The following SLIT2 variants were observed in gnomAD, a reference collection of about 807,000 sequenced individuals.
SLIT2 encodes the protein slit homolog 2 protein.
In SLIT2, 41 loss-of-function variants were observed where a neutral mutation model predicts 185.7. That is an observed-to-expected ratio of 0.22 (90% confidence interval 0.17 to 0.29). SLIT2 has a LOEUF of 0.29. Among genes scored for constraint, SLIT2 ranks in the 10% least tolerant of loss-of-function variants. The probability of loss-of-function intolerance (pLI) is 1.00; values close to 1 mark genes in which losing one functional copy is unlikely to be tolerated. For synonymous variants in SLIT2, 693 were observed against 680.2 expected, an observed-to-expected ratio of 1.02 and a Z score of -0.29; for missense variants, 1,571 against 1,909.0, an observed-to-expected ratio of 0.82 and a Z score of 3.30.
rs2148957892 is a variant in SLIT2, at chr4:20,595,780, C to T, written c.3266C>T (p.Ala1089Val). Residue 1089 changes from alanine (A) to valine (V), a missense_variant, in exon 31 of 37, where the codon GCC becomes GTC. Coordinates refer to ENST00000504154, the MANE Select transcript of SLIT2 (RefSeq NM_004787.4). ...DCQDNKCKNG[A>V]HCTDAVNGYT... is the part of the protein sequence containing the mutation. Reference sequence around the variant, plus strand: ...CAAGACAACAAGTGTAAAAACGGAGCCCACTGCACAGATGCAGTGAACGGC... The same window carrying T: ...CAAGACAACAAGTGTAAAAACGGAGTCCACTGCACAGATGCAGTGAACGGC... 2 of 1,614,084 alleles carry T rather than the reference C, an allele frequency of 1.2e-6. No individual in the cohort carries two copies. Among genetic ancestry groups the T allele is most frequent in the Non-Finnish European group, 1.7e-6 (2 of 1,179,978 alleles).
chr4:20,420,998 A>G (rs1292969219), intron 4 of SLIT2, among the ~76,000 whole-genome samples: 1 of 152,178 alleles, frequency 6.6e-6, no homozygotes, highest in Non-Finnish European at 1.5e-5. Flanking sequence ...AAAGCCACCT[A>G]GTCTGTGGTA....
At chr4:20,397,331 T>C (rs1725976802) in intron 4 of SLIT2, among the ~76,000 whole-genome samples, 1 of 151,818 alleles carries the variant, frequency 6.6e-6, no homozygotes, top group Non-Finnish European at 1.5e-5. Context: ...TCCTACTACC[T>C]AGGAACAGAG....
intron 4 of SLIT2, among the ~76,000 whole-genome samples, chr4:20,294,136 C>T (rs1184874008): frequency 6.6e-6 from 1 of 151,828 alleles, no homozygotes; most frequent in African/African-American, 2.4e-5. Flanking sequence ...TCACTTGAGG[C>T]TAGGAGTTTG....
chr4:20,510,617 C>A, intron 10 of SLIT2, 51 bp downstream of exon 10: 4 of 1,135,354 alleles, frequency 3.5e-6, no homozygotes, highest in South Asian at 2.5e-5. Flanking sequence ...TTATAGAGGT[C>A]ATGAGACCAT....
intron 4 of SLIT2, among the ~76,000 whole-genome samples, chr4:20,411,877 C>T (rs1489650064): frequency 1.3e-5 from 2 of 152,006 alleles, no homozygotes; most frequent in Admixed American, 6.6e-5. Flanking sequence ...CCCTTGCCAG[C>T]GCAGGAAAGT....
chr4:20,281,705 G>A (rs1375385099), intron 4 of SLIT2, among the ~76,000 whole-genome samples: 3 of 152,136 alleles, frequency 2.0e-5, no homozygotes, highest in Non-Finnish European at 2.9e-5. Flanking sequence ...TGAGAAAGCA[G>A]CATAGTTACA....
intron 4 of SLIT2, among the ~76,000 whole-genome samples, chr4:20,417,436 G>GTGTGTATATATATATATA (rs1553898364): frequency 8.1e-5 from 10 of 123,678 alleles, no homozygotes; most frequent in Non-Finnish European, 1.4e-4. Flanking sequence ...ATGTGTGTGT[G>GTGTGTATATATATATATA]TATATATATA....
chr4:20,547,538 A>G (rs530881870), intron 22 of SLIT2, among the ~76,000 whole-genome samples: 25 of 152,168 alleles, frequency 1.6e-4, no homozygotes, highest in African/African-American at 6.0e-4. Context: ...TCACAATTTC[A>G]TGGGTCCATT....
At chr4:20,321,323 G>T (rs1025533383) in intron 4 of SLIT2, among the ~76,000 whole-genome samples, 1 of 152,240 alleles carries the variant, frequency 6.6e-6, no homozygotes, top group Non-Finnish European at 1.5e-5. Context: ...ACTATCTTTC[G>T]TATTTGCCAC....
At chr4:20,265,391 T>C (rs1359820665) in intron 3 of SLIT2, among the ~76,000 whole-genome samples, 1 of 151,910 alleles carries the variant, frequency 6.6e-6, no homozygotes, top group Non-Finnish European at 1.5e-5. Context: ...TTAGTATGGA[T>C]GGAAGAGAGA....
At chr4:20,336,649 G>T (rs971087742) in intron 4 of SLIT2, among the ~76,000 whole-genome samples, 2 of 152,030 alleles carry the variant, frequency 1.3e-5, no homozygotes, top group African/African-American at 4.8e-5. Context: ...CCTGCACGTT[G>T]TGCACATCTA....
chr4:20,596,783 C>A, intron 32 of SLIT2, 128 bp downstream of exon 32: 1 of 845,718 alleles, frequency 1.2e-6, no homozygotes, highest in Non-Finnish European at 1.8e-6. Flanking sequence ...AGAAAATGCT[C>A]CTTGTGTGGA....
intron 4 of SLIT2, among the ~76,000 whole-genome samples, chr4:20,334,461 A>C (rs1472367514): frequency 6.6e-6 from 1 of 152,154 alleles, no homozygotes; most frequent in Non-Finnish European, 1.5e-5. Flanking sequence ...GTTGCCAATA[A>C]AGTATAATAT....
chr4:20,267,902 A>C (rs1355890455), intron 3 of SLIT2, among the ~76,000 whole-genome samples: 1 of 151,966 alleles, frequency 6.6e-6, no homozygotes, highest in African/African-American at 2.4e-5. Context: ...CTCTCGAGCT[A>C]GGCAGCTTGT....
chr4:20,485,246 A>G lies in SLIT2; in HGVS notation c.540-954A>G, dbSNP rs541425446. On this transcript the variant is annotated intron_variant, in intron 6 of 36. Coordinates refer to ENST00000504154, the MANE Select transcript of SLIT2 (RefSeq NM_004787.4). ...TGAAAGCTCATATGTTAGCCTTATT[A>G]GTTTTTGTAATTTGTCCAATCATCT... 2.6e-5 allele frequency among the ~76,000 whole-genome samples: 4 copies of G among 152,178 alleles called. No homozygotes were observed. The South Asian group carries it at 8.3e-4, about 32-fold the overall frequency.
At chr4:20,487,008 G>T (rs965853684) in intron 7 of SLIT2, among the ~76,000 whole-genome samples, 1 of 151,930 alleles carries the variant, frequency 6.6e-6, no homozygotes, top group Non-Finnish European at 1.5e-5. Flanking sequence ...TGAAAAAAAA[G>T]TGTTTTTAAG....
At chr4:20,393,076 G>A (rs1577566403) in intron 4 of SLIT2, among the ~76,000 whole-genome samples, 1 of 151,966 alleles carries the variant, frequency 6.6e-6, no homozygotes, top group African/African-American at 2.4e-5. Flanking sequence ...CTTAAGTAAC[G>A]CATTACACTA....
At chr4:20,328,187 G>A (rs1030999110) in intron 4 of SLIT2, among the ~76,000 whole-genome samples, 1 of 152,040 alleles carries the variant, frequency 6.6e-6, no homozygotes, top group African/African-American at 2.4e-5. Flanking sequence ...GATTCAAATT[G>A]TAAGTAAATT....
At chr4:20,330,615 C>T (rs1719981902) in intron 4 of SLIT2, among the ~76,000 whole-genome samples, 1 of 152,032 alleles carries the variant, frequency 6.6e-6, no homozygotes, top group Non-Finnish European at 1.5e-5. Context: ...TACATACTCT[C>T]AGAAGATAGA....
Sources: gnomAD v4.1 joint callset for allele counts (sites outside exome capture counted in the v4.1 genomes callset) on GRCh38, gnomAD v4.1.1 for gene constraint, MANE v1.5 for transcripts, NCBI Gene and HGNC (gene_info 2026-07-23, HGNC 2026-07-21) for gene names.